The following AGBL4 variants were observed in gnomAD, a reference collection of about 807,000 sequenced individuals.
AGBL4 encodes cytosolic carboxypeptidase 6.
AGBL4 carries 58 observed loss-of-function variants against 66.4 expected under a neutral mutation model. The ratio of observed to expected loss-of-function variants is 0.87; its 90% CI spans 0.71 to 1.09. AGBL4 has a LOEUF of 1.09. Among genes scored for constraint, AGBL4 ranks in the 50% least tolerant of loss-of-function variants. The pLI is 0.00. For synonymous variants in AGBL4, 234 were observed against 222.9 expected (o/e 1.05, Z -0.44); for missense variants, 579 against 631.0 (o/e 0.92, Z 0.88).
intron 9 of AGBL4, among the ~76,000 whole-genome samples, chr1:48,603,791 A>G (rs1645111588): frequency 6.6e-6 from 1 of 152,086 alleles, no homozygotes; most frequent in South Asian, 2.1e-4. Flanking sequence ...TTTAAAAATG[A>G]TAAGGTCCTC....
intron 2 of AGBL4, among the ~76,000 whole-genome samples, chr1:49,708,575 C>T (rs2124649113): frequency 6.6e-6 from 1 of 152,232 alleles, no homozygotes; most frequent in South Asian, 2.1e-4. Context: ...AACTCATTCT[C>T]CATCCAGTTT....
At chr1:49,108,147 C>T (rs2148014528) in intron 4 of AGBL4, among the ~76,000 whole-genome samples, 1 of 152,320 alleles carries the variant, frequency 6.6e-6, no homozygotes, top group African/African-American at 2.4e-5. Context: ...TTGGGGCAGA[C>T]AGGCCATTCC....
chr1:49,331,571 G>T (rs1459264448), intron 3 of AGBL4, among the ~76,000 whole-genome samples: 1 of 152,122 alleles, frequency 6.6e-6, no homozygotes, highest in Non-Finnish European at 1.5e-5. Flanking sequence ...CAAGACCCTG[G>T]TCCATTCCTC....
intron 6 of AGBL4, among the ~76,000 whole-genome samples, chr1:48,677,877 T>G (rs1444890700): frequency 6.6e-6 from 1 of 152,086 alleles, no homozygotes; most frequent in Admixed American, 6.5e-5. Flanking sequence ...GGGAGATACC[T>G]CCGGATTTCT....
chr1:49,907,380 A>T (rs1650377902), intron 1 of AGBL4, among the ~76,000 whole-genome samples: 1 of 152,144 alleles, frequency 6.6e-6, no homozygotes, highest in Non-Finnish European at 1.5e-5. Context: ...TAGGAAAATG[A>T]GTGCAGGTTT....
chr1:49,659,401 T>G (rs1181212864), intron 3 of AGBL4, among the ~76,000 whole-genome samples: 1 of 152,152 alleles, frequency 6.6e-6, no homozygotes, highest in Non-Finnish European at 1.5e-5. Flanking sequence ...ATTGGTGTGC[T>G]GTATGCAAGA....
At chr1:49,993,953 T>C (rs745612219) in intron 1 of AGBL4, among the ~76,000 whole-genome samples, 12 of 152,210 alleles carry the variant, frequency 7.9e-5, no homozygotes, top group Non-Finnish European at 8.8e-5. Context: ...CAAGACCTAT[T>C]TTAAGCTCCA....
intron 5 of AGBL4, among the ~76,000 whole-genome samples, chr1:48,996,075 G>T (rs751726091): frequency 2.0e-5 from 3 of 152,092 alleles, no homozygotes; most frequent in Non-Finnish European, 4.4e-5. Flanking sequence ...CTAATGGACT[G>T]GATGTAAGAT....
chr1:48,926,329 G>A (rs948765463), intron 5 of AGBL4, among the ~76,000 whole-genome samples: 16 of 150,212 alleles, frequency 1.1e-4, no homozygotes, highest in African/African-American at 3.7e-4. Flanking sequence ...GCCTATGCTG[G>A]AGTGCAGTGG....
At chr1:48,842,544 A>G (rs184736095) in intron 6 of AGBL4, among the ~76,000 whole-genome samples, 1 of 152,304 alleles carries the variant, frequency 6.6e-6, no homozygotes, top group East Asian at 1.9e-4. Context: ...TAAGAGAGAG[A>G]AGAGAAAATG....
chr1:48,777,871 T>C (rs1042075756), intron 6 of AGBL4, among the ~76,000 whole-genome samples: 1 of 152,080 alleles, frequency 6.6e-6, no homozygotes, highest in Non-Finnish European at 1.5e-5. Flanking sequence ...TAGTACTCCA[T>C]GGAATAGCGG....
chr1:49,063,046 G>A (rs1248025968), intron 4 of AGBL4, among the ~76,000 whole-genome samples: 3 of 152,040 alleles, frequency 2.0e-5, no homozygotes, highest in Non-Finnish European at 4.4e-5. Context: ...AAGAGCTTTT[G>A]GTAATTGAAA....
intron 3 of AGBL4, among the ~76,000 whole-genome samples, chr1:49,696,757 C>T (rs1418930015): frequency 6.6e-6 from 1 of 152,048 alleles, no homozygotes; most frequent in African/African-American, 2.4e-5. Flanking sequence ...AAAGTCAGTA[C>T]ACAGAAGCAC....
At chr1:49,656,637 A>C (rs1646140917) in intron 3 of AGBL4, among the ~76,000 whole-genome samples, 1 of 152,194 alleles carries the variant, frequency 6.6e-6, no homozygotes, top group African/African-American at 2.4e-5. Flanking sequence ...ATCCAGCAGC[A>C]CATCAAAAAG....
intron 2 of AGBL4, among the ~76,000 whole-genome samples, chr1:49,823,061 G>A (rs979054302): frequency 6.6e-6 from 1 of 152,184 alleles, no homozygotes; most frequent in Non-Finnish European, 1.5e-5. Context: ...TCACTGAAAT[G>A]GAAGATGGAA....
chr1:48,927,053 G>A (rs983664390), intron 5 of AGBL4, among the ~76,000 whole-genome samples: 2 of 151,926 alleles, frequency 1.3e-5, no homozygotes, highest in African/African-American at 2.4e-5. Context: ...GTATCATTAT[G>A]TACCTGGTCC....
chr1:49,073,263 A>G (rs575579109), intron 4 of AGBL4, among the ~76,000 whole-genome samples: 2 of 152,288 alleles, frequency 1.3e-5, no homozygotes, highest in South Asian at 4.1e-4. Context: ...TGTCAAACTC[A>G]TTCTTCGTAC....
chr1:48,847,013 G>A (rs533372516), intron 6 of AGBL4, among the ~76,000 whole-genome samples: 35 of 152,118 alleles, frequency 2.3e-4, no homozygotes, highest in African/African-American at 7.2e-4. Flanking sequence ...ACAAAAAAAC[G>A]AACTTGGCTG....
intron 3 of AGBL4, among the ~76,000 whole-genome samples, chr1:49,564,321 A>G (rs1413107288): frequency 6.6e-6 from 1 of 151,806 alleles, no homozygotes; most frequent in Non-Finnish European, 1.5e-5. Flanking sequence ...TTCTGCTCTG[A>G]TTTTAGTTAT....
Sources: allele counts gnomAD v4.1 joint callset (sites outside exome capture counted in the v4.1 genomes callset), GRCh38; gene constraint gnomAD v4.1.1; transcripts MANE v1.5; gene names NCBI Gene and HGNC (gene_info 2026-07-23, HGNC 2026-07-21).